ATP8A2: variants seen among roughly 807,000 people sequenced by gnomAD.
The protein encoded by ATP8A2 is phospholipid-transporting ATPase IB.
A neutral mutation model predicts 165.6 loss-of-function variants in ATP8A2; 100 were observed. The observed-to-expected ratio is 0.60, with a 90% CI of 0.51 to 0.71. ATP8A2 has a LOEUF of 0.71. Ranked by LOEUF, ATP8A2 falls within the 30% of genes least tolerant of loss-of-function variation. ATP8A2 has a pLI of 0.00. For synonymous variants in ATP8A2, 543 were observed against 548.8 expected, an observed-to-expected ratio of 0.99 and a Z score of 0.15; for missense variants, 1,227 against 1,479.5, an observed-to-expected ratio of 0.83 and a Z score of 2.80.
chr13:25,697,746 A>G (rs2042865008), intron 24 of ATP8A2, among the ~76,000 whole-genome samples: 1 of 152,234 alleles, frequency 6.6e-6, no homozygotes, highest in Non-Finnish European at 1.5e-5. Flanking sequence ...CACATAAGAA[A>G]ATGGCAATTT....
chr13:25,514,591 A>C (rs561541019), intron 2 of ATP8A2, among the ~76,000 whole-genome samples: 5 of 152,218 alleles, frequency 3.3e-5, no homozygotes, highest in Non-Finnish European at 7.3e-5. Flanking sequence ...TGGTGTAACC[A>C]GAAGAAGGGG....
intron 35 of ATP8A2, among the ~76,000 whole-genome samples, chr13:26,011,477 C>G (rs1390246028): frequency 6.6e-6 from 1 of 152,146 alleles, no homozygotes; most frequent in Non-Finnish European, 1.5e-5. Flanking sequence ...GGGGTAAAGA[C>G]TTCAACATGT....
At chr13:25,392,901 C>A (rs2033295643) in intron 1 of ATP8A2, among the ~76,000 whole-genome samples, 1 of 127,792 alleles carries the variant, frequency 7.8e-6, no homozygotes, top group Non-Finnish European at 1.6e-5. Flanking sequence ...AACAATGAAG[C>A]CTCATCTCTA....
intron 25 of ATP8A2, among the ~76,000 whole-genome samples, chr13:25,721,765 A>G (rs2043387077): frequency 6.6e-6 from 1 of 152,220 alleles, no homozygotes; most frequent in African/African-American, 2.4e-5. Context: ...ACATCCATGT[A>G]TGTGTGCTTC....
intron 33 of ATP8A2, among the ~76,000 whole-genome samples, chr13:25,883,421 A>G (rs1953044312): frequency 1.3e-5 from 2 of 152,198 alleles, no homozygotes; most frequent in South Asian, 2.1e-4. Flanking sequence ...TCCATCTCAA[A>G]AAAAGGAAAA....
chr13:25,531,275 T>C (rs1176462890), intron 4 of ATP8A2, among the ~76,000 whole-genome samples: 1 of 77,676 alleles, frequency 1.3e-5, no homozygotes, highest in Non-Finnish European at 2.9e-5. Context: ...ATATATGATA[T>C]ATATGTTATA....
rs2138224868 is a variant in ATP8A2 at position 25,578,883 on chromosome 13, A to G, written c.1851A>G (p.Glu617=). The G allele has an allele frequency of 6.2e-7, 1 of 1,610,548 alleles. No homozygotes were observed. Among genetic ancestry groups the G allele is most frequent in the East Asian group, 2.2e-5 (1 of 44,852 alleles). Residue 617 remains glutamate, a synonymous_variant, in exon 21 of 37, where the codon GAA becomes GAG. Coordinates refer to ENST00000381655, the MANE Select transcript of ATP8A2 (RefSeq NM_016529.6). ...TGGAGGAAACATTATGCCATCTGGAATACTTTGCCACGGAAGGTAAGTGGA... is the reference window on the plus strand; with the variant it reads ...TGGAGGAAACATTATGCCATCTGGAGTACTTTGCCACGGAAGGTAAGTGGA... ...KYMEETLCHL[E]YFATEGLRTL...
At chr13:25,837,322 A>C in intron 29 of ATP8A2, 37 bp downstream of exon 29, 1 of 1,608,064 alleles carries the variant, frequency 6.2e-7, no homozygotes, top group Non-Finnish European at 8.5e-7. Flanking sequence ...TCACCTCAGA[A>C]AGGCGTGGCT....
intron 33 of ATP8A2, among the ~76,000 whole-genome samples, chr13:25,882,017 G>A (rs1423049604): frequency 6.6e-6 from 1 of 152,136 alleles, no homozygotes; most frequent in Non-Finnish European, 1.5e-5. Flanking sequence ...AAAAGAGCCT[G>A]GAAGGACTCG....
chr13:25,772,760 A>AT (rs2044652562), intron 26 of ATP8A2, among the ~76,000 whole-genome samples: 1 of 150,822 alleles, frequency 6.6e-6, no homozygotes. Context: ...TTATTTATTT[A>AT]TTATTTTTTT....
chr13:25,839,481 T>G, intron 29 of ATP8A2, 65 bp from the exon 30 acceptor site: 9 of 1,130,280 alleles, frequency 8.0e-6, no homozygotes, highest in East Asian at 2.3e-5. Flanking sequence ...TGGCGTTTGT[T>G]GAGAGTTTCA....
intron 16 of ATP8A2, among the ~76,000 whole-genome samples, chr13:25,565,173 A>G (rs1034295897): frequency 2.0e-5 from 3 of 152,164 alleles, no homozygotes; most frequent in Non-Finnish European, 2.9e-5. Flanking sequence ...GGTTGGTTCC[A>G]CAATTCACAG....
intron 35 of ATP8A2, among the ~76,000 whole-genome samples, chr13:26,003,372 T>C (rs988826326): frequency 6.6e-6 from 1 of 151,732 alleles, no homozygotes; most frequent in Non-Finnish European, 1.5e-5. Flanking sequence ...TTTTTTTTAA[T>C]TGAGCTATGC....
chr13:25,634,977 C>T (rs1466322075), intron 24 of ATP8A2, among the ~76,000 whole-genome samples: 1 of 152,030 alleles, frequency 6.6e-6, no homozygotes, highest in Non-Finnish European at 1.5e-5. Context: ...AAAATATCTC[C>T]TGAAATTGCT....
chr13:25,729,241 C>G (rs143903296), intron 25 of ATP8A2, among the ~76,000 whole-genome samples: 6 of 152,336 alleles, frequency 3.9e-5, no homozygotes, highest in African/African-American at 9.6e-5. Flanking sequence ...GCTAAGCATA[C>G]TTAGTTATTA....
intron 2 of ATP8A2, among the ~76,000 whole-genome samples, chr13:25,527,444 C>T (rs951519003): frequency 2.0e-5 from 3 of 152,160 alleles, no homozygotes; most frequent in Admixed American, 2.0e-4. Context: ...CTGCAATATT[C>T]TGGTAGACTC....
intron 33 of ATP8A2, among the ~76,000 whole-genome samples, chr13:25,936,844 A>C (rs9634425): frequency 0.85 from 129,032 of 152,136 alleles, 54,953 homozygotes; most frequent in East Asian, 1. Context: ...CACCTCAGCT[A>C]CCTGTCCAAG....
intron 27 of ATP8A2, among the ~76,000 whole-genome samples, chr13:25,815,158 A>G (rs1950979019): frequency 1.3e-5 from 2 of 152,232 alleles, no homozygotes; most frequent in African/African-American, 4.8e-5. Flanking sequence ...GTTTACTTGA[A>G]CACCAAAAAT....
At chr13:25,379,158 T>C (rs188425344) in intron 1 of ATP8A2, among the ~76,000 whole-genome samples, 67 of 152,360 alleles carry the variant, frequency 4.4e-4, no homozygotes, top group African/African-American at 1.4e-3. Flanking sequence ...TGTAATCTTT[T>C]GCCAAATCAT....
Sources: allele counts gnomAD v4.1 joint callset (sites outside exome capture counted in the v4.1 genomes callset), GRCh38; gene constraint gnomAD v4.1.1; transcripts MANE v1.5; gene names NCBI Gene and HGNC (gene_info 2026-07-23, HGNC 2026-07-21).